CHGB: variants seen among roughly 807,000 people sequenced by gnomAD.
The protein encoded by CHGB is secretogranin-1.
Under a neutral mutation model 69.9 loss-of-function variants are expected in CHGB, and 46 were observed. That is an observed-to-expected ratio of 0.66 (90% CI 0.52 to 0.84). The LOEUF (loss-of-function observed/expected upper bound fraction) is 0.84. Among genes scored for constraint, CHGB ranks in the 40% least tolerant of loss-of-function variants. The pLI is 0.00. For synonymous variants in CHGB, 312 were observed against 298.2 expected, an observed-to-expected ratio of 1.05 and a Z score of -0.48; for missense variants, 796 against 822.2, an observed-to-expected ratio of 0.97 and a Z score of 0.39.
intron 3 of CHGB, among the ~76,000 whole-genome samples, chr20:5,918,626 C>A (rs2284660): frequency 6.6e-6 from 1 of 150,990 alleles, no homozygotes; most frequent in Non-Finnish European, 1.5e-5. Flanking sequence ...TCCTGTCTAA[C>A]ACAGTGAAAC....
chr20:5,916,862 T>C lies in CHGB; in HGVS notation c.133T>C (p.Leu45=), dbSNP rs761757697. 2 of 1,614,194 alleles carry C rather than the reference T, an allele frequency of 1.2e-6. No homozygotes were observed. The highest frequency in any genetic ancestry group is 1.7e-6 in the Non-Finnish European group (2 of 1,180,032). The change falls in exon 3 of 5, where the codon TTG becomes CTG. Residue 45 remains leucine (L), a synonymous_variant. Coordinates refer to ENST00000378961, the MANE Select transcript of CHGB (RefSeq NM_001819.3). ...CATCATTGAGGTCCTCTCAAATGCC[T>C]TGTCGAAGTCCAGCGCTCCACCCAT... ...RCIIEVLSNA[L]SKSSAPPITP...
In CHGB at chr20:5,923,819, G is replaced by A. The variant is rs368972632; in HGVS notation, c.1675G>A (p.Glu559Lys). Residue 559 changes from glutamate to lysine, a missense_variant, in exon 4 of 5, where the codon GAG becomes AAG. Physicochemically the swap from Glu to Lys is moderately conservative, Grantham distance 56. This residue lies in a region of CHGB where 274 missense variants were observed against 298.9 expected (regional missense o/e 0.92). Transcript: ENST00000378961. Reference protein sequence around the residue: ...GEEENELTLNEKNFFPEYNYD... With the variant: ...GEEENELTLNKKNFFPEYNYD... ...GGAGGAAAATGAGCTGACCTTGAAC[G>A]AGAAGAATTTCTTCCCAGAATACAA... The A allele has an allele frequency of 8.8e-5, 142 of 1,614,062 alleles. No homozygotes were observed. The highest frequency in any genetic ancestry group is 1.2e-4 in the South Asian group (11 of 91,078).
chr20:5,911,775 G>A, intron 1 of CHGB, 93 bp downstream of exon 1: 3 of 1,198,728 alleles, frequency 2.5e-6, no homozygotes, highest in South Asian at 3.6e-5. Context: ...GATCCCGGGA[G>A]AGAGGGAGGG....
At chr20:5,917,416 A>C (rs2088482181) in intron 3 of CHGB, 1 of 160,228 alleles carries the variant, frequency 6.2e-6, no homozygotes, top group Non-Finnish European at 1.4e-5. Context: ...AAACTTAGAA[A>C]GGTGACTTAA....
intron 3 of CHGB, among the ~76,000 whole-genome samples, chr20:5,921,530 C>T (rs74895197): frequency 0.019 from 2,876 of 152,248 alleles, 91 homozygotes; most frequent in African/African-American, 0.066. Context: ...AAAAGATGGA[C>T]GAGAACAGCA....
chr20:5,916,758 C>T lies in CHGB; in HGVS notation c.97-68C>T, dbSNP rs2088477658. On this transcript the variant is annotated intron_variant, in intron 2 of 4. Coordinates refer to ENST00000378961, the MANE Select transcript of CHGB (RefSeq NM_001819.3). ...GTAATCAAGTCTTCCTTGACAGCAG[C>T]TCTGGGTTGAGTAGTCTGTCATCCA... The T allele has an allele frequency of 4.9e-6, 7 of 1,421,112 alleles. No individual in the cohort carries two copies. In the South Asian group the frequency reaches 6.9e-5, roughly 14 times the overall value. 88.0% of individuals were successfully genotyped at this position (1,421,112 alleles called of 1,614,324 possible).
intron 3 of CHGB, among the ~76,000 whole-genome samples, chr20:5,921,531 G>A (rs560692186): frequency 7.9e-5 from 12 of 152,346 alleles, no homozygotes; most frequent in Non-Finnish European, 1.8e-4. Context: ...AAAGATGGAC[G>A]AGAACAGCAT....
intron 1 of CHGB, chr20:5,915,950 T>G (rs1037118139): frequency 5.0e-5 from 8 of 160,692 alleles, no homozygotes; most frequent in African/African-American, 1.9e-4. Flanking sequence ...CCTGACCTTG[T>G]GATCCACCAG....
Position 5,925,076 on chromosome 20 carries a change from A to T in CHGB, c.*27A>T. The T allele has an allele frequency of 6.6e-7, 1 of 1,508,870 alleles. No homozygotes were observed. The highest frequency in any genetic ancestry group is 9.2e-7 in the Non-Finnish European group (1 of 1,090,284). 93.5% of individuals were successfully genotyped at this position (1,508,870 alleles called of 1,614,324 possible). A position where few individuals can be genotyped will look rare whatever the true frequency, so the allele number is the denominator to read the frequency against. On this transcript the variant is annotated 3_prime_UTR_variant, in exon 5 of 5. Coordinates refer to ENST00000378961, the MANE Select transcript of CHGB (RefSeq NM_001819.3). ...TGTCATTGGAGCGGTGGGCACTGTT[A>T]AGAAGCAGCCATCACATGATCTGTT...
At chr20:5,916,248 G>A (rs2122568779) in intron 1 of CHGB, 78 bp from the exon 2 acceptor site, 1 of 1,041,564 alleles carries the variant, frequency 9.6e-7, no homozygotes, top group Non-Finnish European at 1.5e-6. Context: ...AACTAATGTG[G>A]GGTGATTTTG....
chr20:5,921,217 G>C (rs4813784), intron 3 of CHGB, among the ~76,000 whole-genome samples: 59,320 of 151,910 alleles, frequency 0.39, 11,909 homozygotes, highest in East Asian at 0.55. Context: ...TATAAAAATT[G>C]TTGAGATTAT....
intron 2 of CHGB, 57 bp downstream of exon 2, chr20:5,916,429 C>A: frequency 1.4e-6 from 2 of 1,435,178 alleles, no homozygotes; most frequent in East Asian, 2.3e-5. Context: ...TAGATTCTCC[C>A]AGTCCCTATT....
intron 1 of CHGB, among the ~76,000 whole-genome samples, chr20:5,913,623 C>CTT (rs1568549091): frequency 1.5e-5 from 2 of 133,450 alleles, no homozygotes; most frequent in African/African-American, 3.1e-5. Flanking sequence ...CTTTTCTTTT[C>CTT]TTTTCTTTTT....
At chr20:5,924,768 A>G (rs985911803) in intron 4 of CHGB, among the ~76,000 whole-genome samples, 89 of 152,216 alleles carry the variant, frequency 5.8e-4, no homozygotes, top group African/African-American at 1.9e-3. Context: ...AGTAGGTCCC[A>G]AGTGAGACCC....
chr20:5,923,525 C>A lies in CHGB; in HGVS notation c.1381C>A (p.Gln461Lys), dbSNP rs150260442. The A allele has an allele frequency of 1.9e-6, 3 of 1,614,028 alleles. No homozygotes were observed. Among genetic ancestry groups the A allele is most frequent in the Non-Finnish European group, 1.7e-6 (2 of 1,180,050 alleles). The change falls in exon 4 of 5, where the codon CAA becomes AAA. Residue 461 changes from glutamine (Q) to lysine (K), a missense_variant. Around this residue, in one of 3 missense-constraint regions of CHGB, gnomAD observed 274 missense variants for 298.9 expected, o/e 0.92. Transcript: ENST00000378961. ...NQMDKARRHP[Q>K]GAWKELDRNY... ...GATGGACAAGGCAAGGAGGCATCCACAAGGTGCGTGGAAAGAGCTGGACAG... is the reference window on the plus strand; with the variant it reads ...GATGGACAAGGCAAGGAGGCATCCAAAAGGTGCGTGGAAAGAGCTGGACAG...
Position 5,922,427 on chromosome 20 carries a change from G to T in CHGB, c.283G>T (p.Ala95Ser), listed in dbSNP as rs371451030. ...LLRDPADASE[A>S]HESSSRGEAG... ...AAGAGACCCAGCTGATGCCTCGGAA[G>T]CCCACGAGTCCTCCAGCAGGGGAGA... Residue 95 changes from alanine to serine, a missense_variant, in exon 4 of 5, where the codon GCC becomes TCC. Physicochemically the swap from Ala to Ser is moderately conservative, Grantham distance 99. Around this residue, in one of 3 missense-constraint regions of CHGB, gnomAD observed 518 missense variants for 506.3 expected, o/e 1.02. Coordinates refer to ENST00000378961, the MANE Select transcript of CHGB (RefSeq NM_001819.3). The T allele has an allele frequency of 2.5e-6, 4 of 1,611,380 alleles. No individual in the cohort carries two copies. In the African/African-American group the frequency reaches 4.0e-5, roughly 16 times the overall value.
chr20:5,915,099 T>C (rs537018704), intron 1 of CHGB, among the ~76,000 whole-genome samples: 4 of 152,200 alleles, frequency 2.6e-5, no homozygotes, highest in African/African-American at 4.8e-5. Flanking sequence ...TCCTGCTCAG[T>C]TGCCTGCTAC....
chr20:5,918,163 A>AACAAACAAAC (rs1399922235), intron 3 of CHGB, among the ~76,000 whole-genome samples: 1 of 147,638 alleles, frequency 6.8e-6, no homozygotes, highest in African/African-American at 2.6e-5. Flanking sequence ...AAAAAAAAAA[A>AACAAACAAAC]AAAAAAAACT....
In CHGB at chr20:5,922,711, A is replaced by G. The variant is rs1389479460; in HGVS notation, c.567A>G (p.Glu189=). 1.9e-6 allele frequency: 3 copies of G among 1,614,050 alleles called. No individual in the cohort carries two copies. The highest frequency in any genetic ancestry group is 2.5e-6 in the Non-Finnish European group (3 of 1,180,038). The part of the protein sequence containing the change: ...GEDSSEEKHL[E]EPGETQNAFL... ...ATAGCAGTGAAGAGAAACACCTTGA[A>G]GAGCCAGGAGAGACACAAAACGCTT... The change falls in exon 4 of 5, where the codon GAA becomes GAG. Residue 189 remains glutamate, a synonymous_variant. Coordinates refer to ENST00000378961, the MANE Select transcript of CHGB (RefSeq NM_001819.3).
Sources: gnomAD v4.1 joint callset for allele counts (sites outside exome capture counted in the v4.1 genomes callset) on GRCh38, gnomAD v4.1.1 for gene constraint, gnomAD v4.1.1 regional missense constraint, MANE v1.5 for transcripts, NCBI Gene and HGNC (gene_info 2026-07-23, HGNC 2026-07-21) for gene names.